SRP54: variants seen among roughly 807,000 people sequenced by gnomAD.
SRP54 encodes the protein signal recognition particle 54, also known as signal recognition particle subunit SRP54.
In SRP54, 10 loss-of-function variants were observed where a neutral mutation model predicts 64.8. That is an observed-to-expected ratio of 0.15 (90% confidence interval 0.10 to 0.26). SRP54 has a LOEUF of 0.26. Ranked by LOEUF, SRP54 falls within the 10% of genes least tolerant of loss-of-function variation. The pLI is 1.00. For synonymous variants in SRP54, 193 were observed against 185.6 expected (o/e 1.04, Z -0.32); for missense variants, 325 against 613.7 (o/e 0.53, Z 4.97).
rs1460872122 is a variant in SRP54 at position 35,001,903 on chromosome 14, TAAAA to T, written c.255+887_255+890del. On this transcript the variant is annotated intron_variant, in intron 4 of 15. Coordinates refer to ENST00000216774, the MANE Select transcript of SRP54 (RefSeq NM_003136.4). ...GTAGAAAAAAAAAGAAAGGAGCTGT[TAAAA>T]AAATTATTTTAGTCCAGGCATGGTG... 3.3e-5 allele frequency among the ~76,000 whole-genome samples: 5 copies of T among 152,016 alleles called. No homozygotes were observed. The East Asian group carries it at 9.6e-4, about 29-fold the overall frequency.
chr14:34,993,367 A>G (rs775148613), intron 1 of SRP54: 3 of 152,216 alleles, frequency 2.0e-5, no homozygotes, highest in Non-Finnish European at 4.4e-5. Flanking sequence ...CATAAGAAAT[A>G]AAAAGTCCTG....
intron 13 of SRP54, among the ~76,000 whole-genome samples, chr14:35,020,210 T>G (rs1294506244): frequency 6.6e-6 from 1 of 152,016 alleles, no homozygotes; most frequent in Non-Finnish European, 1.5e-5. Context: ...AAAAATATAG[T>G]TTATTGCTAA....
intron 1 of SRP54, among the ~76,000 whole-genome samples, chr14:34,996,349 A>T (rs898746505): frequency 1.3e-5 from 2 of 152,342 alleles, no homozygotes; most frequent in Middle Eastern, 3.4e-3. Context: ...TGCATGATAC[A>T]TAATTCAGTT....
At chr14:34,991,127 T>TTTG (rs1555352959) in intron 1 of SRP54, among the ~76,000 whole-genome samples, 1,263 of 123,094 alleles carry the variant, frequency 0.01, 13 homozygotes, top group Non-Finnish European at 0.014. Flanking sequence ...TTTTTTTTTT[T>TTTG]TTGTTGTTGT....
At chr14:35,017,780 T>G (rs2044467240) in intron 11 of SRP54, among the ~76,000 whole-genome samples, 1 of 152,212 alleles carries the variant, frequency 6.6e-6, no homozygotes, top group Non-Finnish European at 1.5e-5. Context: ...AACATTTCCA[T>G]TACTCTAAAA....
At chr14:34,985,953 T>G (rs2043888785) in intron 1 of SRP54, among the ~76,000 whole-genome samples, 1 of 152,196 alleles carries the variant, frequency 6.6e-6, no homozygotes, top group African/African-American at 2.4e-5. Context: ...TCACTTTTCC[T>G]TTTTCTTTTC....
At chr14:34,997,642 G>T (rs1321606501) in intron 2 of SRP54, among the ~76,000 whole-genome samples, 1 of 152,116 alleles carries the variant, frequency 6.6e-6, no homozygotes, top group Non-Finnish European at 1.5e-5. Context: ...TTCTTACATG[G>T]AATTTGATCT....
At chr14:35,019,340 C>A in intron 13 of SRP54, 1 of 238,972 alleles carries the variant, frequency 4.2e-6, no homozygotes, top group South Asian at 6.7e-5. Context: ...ATAGAGTTAA[C>A]TTAAAAGGAG....
intron 7 of SRP54, 61 bp from the exon 8 acceptor site, chr14:35,011,448 C>G: frequency 7.8e-7 from 1 of 1,278,878 alleles, no homozygotes; most frequent in Non-Finnish European, 1.0e-6. Flanking sequence ...AATTAACTTT[C>G]CGAATTAGTA....
intron 4 of SRP54, among the ~76,000 whole-genome samples, chr14:35,001,313 G>A (rs796416875): frequency 4.0e-5 from 6 of 151,556 alleles, no homozygotes; most frequent in African/African-American, 7.3e-5. Flanking sequence ...CACCATGCCC[G>A]GCTAATTCTG....
intron 4 of SRP54, among the ~76,000 whole-genome samples, chr14:35,006,717 A>G (rs979425950): frequency 2.0e-5 from 3 of 152,170 alleles, no homozygotes; most frequent in Non-Finnish European, 2.9e-5. Flanking sequence ...TTCACATTTT[A>G]TACTCCAGCT....
At chr14:35,027,054 G>A (rs1380949820) in intron 14 of SRP54, among the ~76,000 whole-genome samples, 1 of 140,056 alleles carries the variant, frequency 7.1e-6, no homozygotes, top group Admixed American at 7.4e-5. Flanking sequence ...TTCTGAGACA[G>A]AGTCTTGCTC....
chr14:34,988,578 A>AATATATATATATATAT (rs1555352766), intron 1 of SRP54, among the ~76,000 whole-genome samples: 11 of 47,096 alleles, frequency 2.3e-4, no homozygotes, highest in African/African-American at 6.7e-4. Flanking sequence ...AAAAAAAAAA[A>AATATATATATATATAT]ATATATATAT....
intron 13 of SRP54, among the ~76,000 whole-genome samples, chr14:35,020,838 T>G (rs1260431726): frequency 6.6e-6 from 1 of 152,206 alleles, no homozygotes; most frequent in Admixed American, 6.6e-5. Context: ...ATTATCTGCC[T>G]TTTTCAAATT....
Position 35,022,899 on chromosome 14 carries a change from C to A in SRP54, c.1157-11C>A. On this transcript the variant is annotated splice_polypyrimidine_tract_variant and intron_variant, in intron 13 of 15. Transcript: ENST00000216774. ...ATAATTGTGTGTGAGAGTAACTGAC[C>A]TTGTCTACAGAACTAGACAGTACGG... 6.3e-7 allele frequency: 1 copy of A among 1,587,702 alleles called. No individual in the cohort carries two copies. The highest frequency in any genetic ancestry group is 1.2e-5 in the South Asian group (1 of 86,680).
At chr14:35,019,474 G>C (rs1291495907) in intron 13 of SRP54, 1 of 158,602 alleles carries the variant, frequency 6.3e-6, no homozygotes, top group Admixed American at 6.1e-5. Flanking sequence ...TTGAGGCCAG[G>C]AGTTTAAGAC....
chr14:34,983,421 C>T (rs1254271273), intron 1 of SRP54, among the ~76,000 whole-genome samples: 1 of 152,208 alleles, frequency 6.6e-6, no homozygotes, highest in Non-Finnish European at 1.5e-5. Flanking sequence ...GAGTTGTCTT[C>T]CGATTTACCT....
At chr14:34,990,885 A>G (rs1437187200) in intron 1 of SRP54, among the ~76,000 whole-genome samples, 1 of 152,020 alleles carries the variant, frequency 6.6e-6, no homozygotes, top group Non-Finnish European at 1.5e-5. Context: ...ATCTTCATTG[A>G]TTTATTTTAG....
intron 1 of SRP54, among the ~76,000 whole-genome samples, chr14:34,988,780 A>T (rs1307721336): frequency 1.3e-5 from 2 of 151,582 alleles, no homozygotes; most frequent in African/African-American, 4.8e-5. Flanking sequence ...CTTTATAGAA[A>T]AGTATACAGT....
Sources: allele counts gnomAD v4.1 joint callset (sites outside exome capture counted in the v4.1 genomes callset), GRCh38; gene constraint gnomAD v4.1.1; transcripts MANE v1.5; gene names NCBI Gene and HGNC (gene_info 2026-07-23, HGNC 2026-07-21).